The following DNASE1 variants were observed in gnomAD, a reference collection of about 807,000 sequenced individuals.
DNASE1 encodes the protein deoxyribonuclease-1.
Under a neutral mutation model 33.9 loss-of-function variants are expected in DNASE1, and 40 were observed. The observed-to-expected ratio is 1.18, with a 90% CI of 0.92 to 1.54. The LOEUF is 1.54. DNASE1 is among the 40% of genes most tolerant of loss of function. DNASE1 has a pLI of 0.00. For missense variants in DNASE1, 518 were observed against 372.6 expected (o/e 1.39, Z -3.21); for synonymous variants, 216 against 160.0 (o/e 1.35, Z -2.64).
At chr16:3,662,751 T>G (rs2043159739), downstream of DNASE1, 2 of 841,398 alleles carry the variant, frequency 2.4e-6, no homozygotes, top group African/African-American at 1.7e-5. Flanking sequence ...CCACAGGGTC[T>G]CCACCTGACA....
upstream of DNASE1, chr16:3,654,154 G>A (rs1313893632): frequency 5.1e-6 from 2 of 390,658 alleles, no homozygotes; most frequent in African/African-American, 2.1e-5. Context: ...GAAATTACTG[G>A]ACCTGAGGCC....
At chr16:3,616,332 T>C (rs978828402) in intron 1 of DNASE1, among the ~76,000 whole-genome samples, 1 of 152,202 alleles carries the variant, frequency 6.6e-6, no homozygotes, top group East Asian at 1.9e-4. Flanking sequence ...AAAATTCATA[T>C]GGAATTGGCC....
chr16:3,616,907 C>G (rs77692863), intron 1 of DNASE1, among the ~76,000 whole-genome samples: 291 of 152,268 alleles, frequency 1.9e-3, no homozygotes, highest in Non-Finnish European at 3.2e-3. Flanking sequence ...AGAGTAGTGT[C>G]TTCCACAAAT....
intron 1 of DNASE1, among the ~76,000 whole-genome samples, chr16:3,615,906 A>T (rs1255911330): frequency 1.3e-5 from 2 of 152,354 alleles, no homozygotes; most frequent in Non-Finnish European, 2.9e-5. Context: ...GTTTGATTAT[A>T]AATGGTAAAG....
chr16:3,656,988 T>C lies in DNASE1; in HGVS notation c.437-11T>C. On this transcript the variant is annotated splice_polypyrimidine_tract_variant and intron_variant, in intron 5 of 8. Coordinates refer to ENST00000246949, the MANE Select transcript of DNASE1 (RefSeq NM_005223.4). Reference sequence around the variant, plus strand: ...GGGAGTGTGCCTCACACGACGTGGCTGTCTCCACAGAGGTCAGGGAGTTTG... The same window carrying C: ...GGGAGTGTGCCTCACACGACGTGGCCGTCTCCACAGAGGTCAGGGAGTTTG... The C allele has an allele frequency of 1.2e-6, 2 of 1,613,108 alleles. No homozygotes were observed. Among genetic ancestry groups the C allele is most frequent in the South Asian group, 2.2e-5 (2 of 90,934 alleles).
downstream of DNASE1, chr16:3,658,819 CAGGCT>C (rs772371140): frequency 6.2e-7 from 1 of 1,613,928 alleles, no homozygotes; most frequent in Non-Finnish European, 8.5e-7. Flanking sequence ...TGAGCCAGGC[CAGGCT>C]CGCTTGCGCG....
chr16:3,659,897 C>T (rs1422011400), downstream of DNASE1: 2 of 152,050 alleles, frequency 1.3e-5, no homozygotes, highest in Admixed American at 1.3e-4. Context: ...TTACAGGCAC[C>T]CACCACCACC....
downstream of DNASE1, chr16:3,658,279 TCATTTTTTTTTTTTTGAGA>T (rs763530013): frequency 2.1e-6 from 3 of 1,448,048 alleles, no homozygotes; most frequent in Non-Finnish European, 2.8e-6. Flanking sequence ...GGGCACCTTT[TCATTTTTTTTTTTTTGAGA>T]CAGAGTCTCA....
downstream of DNASE1, chr16:3,658,287 T>A (rs534094004): frequency 3.8e-4 from 555 of 1,445,484 alleles, 5 homozygotes; most frequent in African/African-American, 6.6e-3. Context: ...TTTCATTTTT[T>A]TTTTTTTGAG....
At chr16:3,664,688 G>C (rs2050787232) in exon 10 of DNASE1, 1 of 527,090 alleles carries the variant, frequency 1.9e-6, no homozygotes, top group Admixed American at 3.7e-5. Context: ...GCCCCAGGTG[G>C]CCCAGGGGCT....
At chr16:3,658,581 G>A (rs2042863261), downstream of DNASE1, 2 of 586,802 alleles carry the variant, frequency 3.4e-6, no homozygotes, top group East Asian at 2.9e-5. Context: ...GCTGAGGCAG[G>A]GGAATTGCTT....
chr16:3,616,305 G>A (rs1456520703), intron 1 of DNASE1, among the ~76,000 whole-genome samples: 1 of 152,174 alleles, frequency 6.6e-6, no homozygotes. Context: ...TTTTGCAGAA[G>A]TGGAAAAACC....
chr16:3,659,776 G>A (rs561521501), downstream of DNASE1: 1 of 149,686 alleles, frequency 6.7e-6, no homozygotes, highest in Admixed American at 6.7e-5. Flanking sequence ...TAGATAGATA[G>A]ATAGACTCTC....
chr16:3,615,653 A>C (rs2041075064), intron 1 of DNASE1, among the ~76,000 whole-genome samples: 1 of 152,218 alleles, frequency 6.6e-6, no homozygotes, highest in Non-Finnish European at 1.5e-5. Flanking sequence ...TCTGAAAGAG[A>C]AAATGGATGC....
intron 1 of DNASE1, among the ~76,000 whole-genome samples, chr16:3,613,461 A>G (rs1266670866): frequency 6.6e-6 from 1 of 152,174 alleles, no homozygotes; most frequent in African/African-American, 2.4e-5. Context: ...TTTGTGTTCT[A>G]GGAGTGGAAT....
downstream of DNASE1, chr16:3,662,893 T>G: frequency 6.2e-7 from 1 of 1,613,588 alleles, no homozygotes; most frequent in South Asian, 1.1e-5. Flanking sequence ...TTCACGTTGG[T>G]GACACGCGAC....
rs1337836014 is a variant in DNASE1 at position 3,657,327 on chromosome 16, C to T, written c.690C>T (p.His230=). The T allele has an allele frequency of 1.2e-6, 2 of 1,613,504 alleles. No homozygotes were observed. Among genetic ancestry groups the T allele is most frequent in the South Asian group, 2.2e-5 (2 of 91,082 alleles). The change falls in exon 7 of 9, where the codon CAC becomes CAT. Residue 230 remains histidine, a synonymous_variant. Coordinates refer to ENST00000246949, the MANE Select transcript of DNASE1 (RefSeq NM_005223.4). ...CTGACACCACAGCTACACCCACGCA[C>T]TGTGCCTATGACAGGTGAGCAGGGC... The part of the protein sequence containing the change: ...DSADTTATPT[H]CAYDRIVVAG...
chr16:3,662,877 C>T (rs773862195), downstream of DNASE1: 11 of 1,613,538 alleles, frequency 6.8e-6, no homozygotes, highest in Non-Finnish European at 9.3e-6. Context: ...CCGGGAAAGC[C>T]TCACCTTCAC....
intron 1 of DNASE1, among the ~76,000 whole-genome samples, chr16:3,622,692 T>TC (rs1363813839): frequency 1.3e-5 from 2 of 152,256 alleles, no homozygotes; most frequent in East Asian, 3.9e-4. Flanking sequence ...GCTCAAGTGA[T>TC]CCCCCTACTT....
Sources: allele counts gnomAD v4.1 joint callset (sites outside exome capture counted in the v4.1 genomes callset), GRCh38; gene constraint gnomAD v4.1.1; transcripts MANE v1.5; gene names NCBI Gene and HGNC (gene_info 2026-07-23, HGNC 2026-07-21).